PNPLA7: variants seen among roughly 807,000 people sequenced by gnomAD.
PNPLA7 encodes the protein patatin like domain 7, lysophospholipase.
PNPLA7 carries 153 observed loss-of-function variants against 161.7 expected under a neutral mutation model. That is an observed-to-expected ratio of 0.95 (90% CI 0.83 to 1.08). The LOEUF (loss-of-function observed/expected upper bound fraction) is 1.08. Among genes scored for constraint, PNPLA7 ranks in the 50% least tolerant of loss-of-function variants. PNPLA7 has a pLI of 0.00. For synonymous variants in PNPLA7, 809 were observed against 782.1 expected (o/e 1.03, Z -0.57); for missense variants, 1,739 against 1,856.6 (o/e 0.94, Z 1.16).
At chr9:137,475,193 T>C (rs1045831757) in intron 25 of PNPLA7, among the ~76,000 whole-genome samples, 1 of 151,326 alleles carries the variant, frequency 6.6e-6, no homozygotes, top group African/African-American at 2.4e-5. Context: ...TGAAGGCCCA[T>C]CATGCACTTT....
chr9:137,501,836 G>T (rs1833442639), intron 14 of PNPLA7, 109 bp from the exon 15 acceptor site: 2 of 1,088,874 alleles, frequency 1.8e-6, no homozygotes, highest in East Asian at 2.6e-5. Flanking sequence ...GAGGCCAGAG[G>T]CCGGGCAAGG....
chr9:137,478,192 C>T (rs1832032019), intron 24 of PNPLA7, 40 bp from the exon 25 acceptor site: 2 of 1,254,724 alleles, frequency 1.6e-6, no homozygotes, highest in African/African-American at 1.6e-5. Context: ...TGCAGGGCCC[C>T]ACCCTCGGCC....
chr9:137,540,029 C>T lies in PNPLA7; in HGVS notation c.747+613G>A, dbSNP rs949227730. ...TCGATCTCTTGACCTTGTGATCCACCCACCTCAGCCTCGCAAAGTGCTGGG... is the reference window on the plus strand; with the variant it reads ...TCGATCTCTTGACCTTGTGATCCACTCACCTCAGCCTCGCAAAGTGCTGGG... On this transcript the variant is annotated intron_variant, in intron 8 of 34. Transcript: ENST00000406427. The surrounding 1 kb of genome is among the most constrained non-coding windows in gnomAD (Gnocchi z 5.1). Among the ~76,000 whole-genome samples, 3 of 152,186 alleles carry T rather than the reference C, an allele frequency of 2.0e-5. No individual in the cohort carries two copies. Among genetic ancestry groups the T allele is most frequent in the African/African-American group, 7.2e-5 (3 of 41,438 alleles).
chr9:137,500,007 C>A lies in PNPLA7; in HGVS notation c.1757+684G>T, dbSNP rs1211574480. ...ACCCCAGGCTCCAGGAGATTCTGGA[C>A]CTGACAGAGCAGAATGCCCAGTGCC... On this transcript the variant is annotated intron_variant, in intron 16 of 34. Transcript: ENST00000406427. The surrounding 1 kb of genome is among the most constrained non-coding windows in gnomAD (Gnocchi z 5.5). Among the ~76,000 whole-genome samples, 1 of 152,230 alleles carries A rather than the reference C, an allele frequency of 6.6e-6. No homozygotes were observed. Among genetic ancestry groups the A allele is most frequent in the Admixed American group, 6.5e-5 (1 of 15,284 alleles).
chr9:137,473,829 G>A (rs183980936), intron 25 of PNPLA7, among the ~76,000 whole-genome samples: 82 of 152,276 alleles, frequency 5.4e-4, no homozygotes, highest in African/African-American at 1.7e-3. Flanking sequence ...TGGGTCACTC[G>A]AACTCTCAGA....
At chr9:137,462,567 G>T (rs908404615) in intron 30 of PNPLA7, 118 bp downstream of exon 30, 2 of 1,439,378 alleles carry the variant, frequency 1.4e-6, no homozygotes, top group Non-Finnish European at 9.3e-7. Flanking sequence ...GTGAGGGGTG[G>T]CCCCAGACCT....
rs1164963692 is a variant in PNPLA7, at chr9:137,524,406, A to G, written c.748-1549T>C. Among the ~76,000 whole-genome samples the G allele has an allele frequency of 6.6e-6, 1 of 150,940 alleles. No homozygotes were observed. The highest frequency in any genetic ancestry group is 1.5e-5 in the Non-Finnish European group (1 of 67,754). ...TTGGCTCCTGAGTGCTGGCTGCCTC[A>G]TGGAGGCCTTGCAGTGTCTCCTCGT... On this transcript the variant is annotated intron_variant, in intron 8 of 34. Coordinates refer to ENST00000406427, the MANE Select transcript of PNPLA7 (RefSeq NM_001098537.3). The surrounding 1 kb of genome is among the most constrained non-coding windows in gnomAD (Gnocchi z 4.4).
At chr9:137,498,921 C>T (rs571777791) in intron 16 of PNPLA7, among the ~76,000 whole-genome samples, 152 of 152,214 alleles carry the variant, frequency 1.0e-3, no homozygotes, top group African/African-American at 3.5e-3. Context: ...AAGGCAAAAG[C>T]AGGAGGAAGA....
At chr9:137,474,271 G>A (rs912841648) in intron 25 of PNPLA7, among the ~76,000 whole-genome samples, 1 of 152,146 alleles carries the variant, frequency 6.6e-6, no homozygotes, top group African/African-American at 2.4e-5. Context: ...GGTGATAACA[G>A]CTTTGTTTGT....
At chr9:137,469,549 G>A (rs952073790) in intron 25 of PNPLA7, among the ~76,000 whole-genome samples, 19 of 152,034 alleles carry the variant, frequency 1.2e-4, no homozygotes, top group African/African-American at 4.1e-4. Flanking sequence ...TAAAAGATGC[G>A]TTACCTTAAC....
intron 11 of PNPLA7, 106 bp from the exon 12 acceptor site, chr9:137,515,625 G>T: frequency 1.5e-6 from 2 of 1,341,018 alleles, no homozygotes; most frequent in South Asian, 1.5e-5. Context: ...AGTGCCCTGC[G>T]CACCTGAACG....
chr9:137,547,850 TG>T lies in PNPLA7; in HGVS notation c.31-192del, dbSNP rs1292050658. ...GCTAGGAAGCACTCAGAGAGCAACCTGGCTCCCTCAGTCACTGGGATACAGT... is the reference window on the plus strand; with the variant it reads ...GCTAGGAAGCACTCAGAGAGCAACCTGCTCCCTCAGTCACTGGGATACAGT... On this transcript the variant is annotated intron_variant, in intron 1 of 34. Coordinates refer to ENST00000406427, the MANE Select transcript of PNPLA7 (RefSeq NM_001098537.3). The surrounding 1 kb of genome is among the most constrained non-coding windows in gnomAD (Gnocchi z 4.6). Among the ~76,000 whole-genome samples the T allele has an allele frequency of 6.6e-6, 1 of 152,188 alleles. No individual in the cohort carries two copies. Among genetic ancestry groups the T allele is most frequent in the Non-Finnish European group, 1.5e-5 (1 of 68,018 alleles).
At chr9:137,485,382 T>C (rs1002886303) in intron 20 of PNPLA7, among the ~76,000 whole-genome samples, 2 of 149,616 alleles carry the variant, frequency 1.3e-5, no homozygotes, top group Non-Finnish European at 2.9e-5. Context: ...TGAGGCCTCA[T>C]CGGAGTAAAC....
intron 33 of PNPLA7, 75 bp downstream of exon 33, chr9:137,461,461 T>TGGGGGGGGGGGGGGGCCTTGGGGGGG: frequency 8.4e-7 from 1 of 1,189,076 alleles, no homozygotes; most frequent in Non-Finnish European, 1.1e-6. Context: ...GCCTCTGGGG[T>TGGGGGGGGGGGGGGGCCTTGGGGGGG]GGGGGGGTTC....
At chr9:137,483,980 C>G (rs965847114) in intron 21 of PNPLA7, among the ~76,000 whole-genome samples, 8 of 152,116 alleles carry the variant, frequency 5.3e-5, no homozygotes, top group African/African-American at 1.9e-4. Flanking sequence ...GTCGCCCAGG[C>G]TGGAGTGCAA....
intron 14 of PNPLA7, among the ~76,000 whole-genome samples, chr9:137,505,370 A>G (rs539799806): frequency 2.8e-4 from 42 of 152,340 alleles, no homozygotes; most frequent in African/African-American, 9.9e-4. Context: ...TGAGAATTCT[A>G]AAGTTCAGCT....
intron 12 of PNPLA7, among the ~76,000 whole-genome samples, chr9:137,513,899 T>C (rs959423455): frequency 2.0e-5 from 3 of 152,242 alleles, no homozygotes; most frequent in Non-Finnish European, 4.4e-5. Flanking sequence ...GACGCCCAGA[T>C]GGAACCGAAT....
Position 137,467,191 on chromosome 9 carries a change from G to A in PNPLA7, c.3039+126C>T. ...TCACAAGCTGCACTGGGAGGCTTCA[G>A]GGGGTAGCCTCCTCGAGGGCAGGGC... On this transcript the variant is annotated intron_variant, in intron 26 of 34. Coordinates refer to ENST00000406427, the MANE Select transcript of PNPLA7 (RefSeq NM_001098537.3). This position sits in a 1 kb window ranked among gnomAD's most constrained non-coding sequence, Gnocchi z 5.1. 1 of 1,299,848 alleles carries A rather than the reference G, an allele frequency of 7.7e-7. No individual in the cohort carries two copies. Among genetic ancestry groups the A allele is most frequent in the South Asian group, 1.5e-5 (1 of 64,970 alleles). The allele number at this position is 1,299,848 out of a possible 1,614,324, so 80.5% of individuals were successfully genotyped here. A position where few individuals can be genotyped will look rare whatever the true frequency, so the allele number is the denominator to read the frequency against.
At position 137,519,825 on chromosome 9, in the gene PNPLA7, G is replaced by T. The variant is rs373904238; in HGVS notation, c.1084+92C>A. 1.6e-5 allele frequency: 24 copies of T among 1,507,026 alleles called. No homozygotes were observed. The East Asian group carries it at 1.8e-4, about 12-fold the overall frequency. The allele number at this position is 1,507,026 out of a possible 1,614,324, so 93.4% of individuals were successfully genotyped here. ...GGATGTGTGTGGTGGCCTCAGGCATGTGCAAGATGACCTGGGGTGACCTGA... is the reference window on the plus strand; with the variant it reads ...GGATGTGTGTGGTGGCCTCAGGCATTTGCAAGATGACCTGGGGTGACCTGA... On this transcript the variant is annotated intron_variant, in intron 11 of 34. Coordinates refer to ENST00000406427, the MANE Select transcript of PNPLA7 (RefSeq NM_001098537.3).
Sources: allele counts gnomAD v4.1 joint callset (sites outside exome capture counted in the v4.1 genomes callset), GRCh38; gene constraint gnomAD v4.1.1; non-coding constraint Gnocchi (gnomAD v3.1); transcripts MANE v1.5; gene names NCBI Gene and HGNC (gene_info 2026-07-23, HGNC 2026-07-21).